BLTP3A: variants seen among roughly 807,000 people sequenced by gnomAD.
BLTP3A encodes ICBP90 binding protein 1.
chr6:34,843,868 C>T, the BLTP3A span, among the ~76,000 whole-genome samples: 2 of 151,756 alleles, frequency 1.3e-5, no homozygotes, highest in Non-Finnish European at 2.9e-5. Flanking sequence ...CCAACAGTGT[C>T]CAGGGGTTCC....
the BLTP3A span, chr6:34,876,053 GTT>G: frequency 4.6e-5 from 7 of 152,596 alleles, no homozygotes; most frequent in African/African-American, 1.7e-4. Context: ...TGCATTTCCT[GTT>G]TACATGCATG....
At chr6:34,876,951 C>T in the BLTP3A span, 1 of 152,408 alleles carries the variant, frequency 6.6e-6, no homozygotes, top group South Asian at 2.1e-4. Flanking sequence ...TTCAGTATCT[C>T]TAATTGCAAT....
chr6:34,816,823 C>T, the BLTP3A span, among the ~76,000 whole-genome samples: 7 of 152,098 alleles, frequency 4.6e-5, no homozygotes, highest in Non-Finnish European at 1.0e-4. Context: ...CATGTAGTTG[C>T]AGTCTTCAAA....
chr6:34,871,503 A>G, the BLTP3A span: 3 of 1,400,198 alleles, frequency 2.1e-6, no homozygotes, highest in South Asian at 1.2e-5. Context: ...AGCTGCTTCA[A>G]GCTGAATGAT....
At chr6:34,811,851 C>T in the BLTP3A span, among the ~76,000 whole-genome samples, 5 of 151,786 alleles carry the variant, frequency 3.3e-5, no homozygotes, top group Non-Finnish European at 2.9e-5. Context: ...AGTGAGACTT[C>T]GTCTCAAAAA....
the BLTP3A span, among the ~76,000 whole-genome samples, chr6:34,828,883 C>G: frequency 6.6e-6 from 1 of 151,648 alleles, no homozygotes; most frequent in East Asian, 1.9e-4. Context: ...CTAAATTAGC[C>G]AGGCGTGGTG....
At chr6:34,856,769 T>TC in the BLTP3A span, 2 of 1,606,938 alleles carry the variant, frequency 1.2e-6, no homozygotes, top group Non-Finnish European at 1.7e-6. Flanking sequence ...TGATTCTTTT[T>TC]CCCACCTTAT....
the BLTP3A span, among the ~76,000 whole-genome samples, chr6:34,812,584 C>T: frequency 2.9e-4 from 44 of 152,114 alleles, no homozygotes; most frequent in East Asian, 7.7e-3. Flanking sequence ...CCCACCCCAG[C>T]TCTTGAGTAG....
At chr6:34,873,277 C>T in the BLTP3A span, 2,222 of 152,284 alleles carry the variant, frequency 0.015, 23 homozygotes, top group South Asian at 0.035. Context: ...CCCTGTTGTC[C>T]GCCTGGAGTC....
At chr6:34,835,012 C>T in the BLTP3A span, 1 of 1,108,814 alleles carries the variant, frequency 9.0e-7, no homozygotes, top group Non-Finnish European at 1.3e-6. Flanking sequence ...TCAACATCCT[C>T]TAGTAATAGA....
chr6:34,846,245 A>G, the BLTP3A span, among the ~76,000 whole-genome samples: 1 of 150,410 alleles, frequency 6.6e-6, no homozygotes, highest in African/African-American at 2.4e-5. Context: ...CCCAGGTTCA[A>G]GCGATTCTCC....
chr6:34,844,656 C>G, the BLTP3A span, among the ~76,000 whole-genome samples: 2 of 152,126 alleles, frequency 1.3e-5, no homozygotes, highest in Admixed American at 6.6e-5. Flanking sequence ...ATTTGTATGT[C>G]TTCTTTTGAT....
At chr6:34,836,317 C>T in the BLTP3A span, 21 of 1,614,028 alleles carry the variant, frequency 1.3e-5, no homozygotes, top group South Asian at 1.1e-5. Flanking sequence ...TGGACCTGCA[C>T]ATTTGTGATG....
the BLTP3A span, among the ~76,000 whole-genome samples, chr6:34,851,456 C>G: frequency 1.3e-5 from 2 of 152,282 alleles, no homozygotes; most frequent in South Asian, 4.1e-4. Context: ...GGCAGAGCCT[C>G]TTGTTCTCTT....
the BLTP3A span, chr6:34,867,167 GTTGGAT>G: frequency 6.6e-7 from 1 of 1,514,346 alleles, no homozygotes; most frequent in Non-Finnish European, 8.8e-7. Context: ...GTTTGTAGAG[GTTGGAT>G]TTGAACAGAA....
At chr6:34,815,360 C>T in the BLTP3A span, among the ~76,000 whole-genome samples, 12 of 151,690 alleles carry the variant, frequency 7.9e-5, no homozygotes, top group East Asian at 2.4e-3. Flanking sequence ...AGTGATTCTC[C>T]TGCCTCAGCC....
chr6:34,871,360 A>C, the BLTP3A span, among the ~76,000 whole-genome samples: 2 of 152,158 alleles, frequency 1.3e-5, no homozygotes, highest in Non-Finnish European at 2.9e-5. Flanking sequence ...TGTAACCCTA[A>C]CCCTGTCTTT....
the BLTP3A span, among the ~76,000 whole-genome samples, chr6:34,863,766 T>G: frequency 6.6e-6 from 1 of 152,188 alleles, no homozygotes; most frequent in African/African-American, 2.4e-5. Context: ...AATGTTGATA[T>G]GAGAGCGCTG....
At chr6:34,819,863 C>T in the BLTP3A span, among the ~76,000 whole-genome samples, 8 of 152,228 alleles carry the variant, frequency 5.3e-5, no homozygotes, top group African/African-American at 9.6e-5. Flanking sequence ...ACCATTTGAC[C>T]GATAGAGTTT....
Sources: allele counts gnomAD v4.1 joint callset (sites outside exome capture counted in the v4.1 genomes callset), GRCh38; gene constraint gnomAD v4.1.1; transcripts MANE v1.5; gene names NCBI Gene and HGNC (gene_info 2026-07-23, HGNC 2026-07-21).